Variants in AMPD3 observed in about 807,000 individuals in gnomAD.
AMPD3 encodes adenosine monophosphate deaminase 3, also known as AMP deaminase 3.
In AMPD3, 57 loss-of-function variants were observed where a neutral mutation model predicts 82.3. The ratio of observed to expected loss-of-function variants is 0.69; its 90% CI spans 0.56 to 0.86. The LOEUF is 0.86. Among genes scored for constraint, AMPD3 ranks in the 40% least tolerant of loss-of-function variants. The probability of loss-of-function intolerance (pLI) is 0.00; values close to 1 mark genes in which losing one functional copy is unlikely to be tolerated. For missense variants in AMPD3, 870 were observed against 1,003.8 expected, an observed-to-expected ratio of 0.87 and a Z score of 1.80; for synonymous variants, 381 against 394.7, an observed-to-expected ratio of 0.97 and a Z score of 0.41.
chr11:10,481,133 A>G (rs1848891147), intron 3 of AMPD3, among the ~76,000 whole-genome samples: 3 of 152,178 alleles, frequency 2.0e-5, no homozygotes, highest in South Asian at 4.1e-4. Flanking sequence ...CATTTGCAAA[A>G]TGGGTTGCTG....
intron 2 of AMPD3, among the ~76,000 whole-genome samples, chr11:10,470,105 G>T (rs911415487): frequency 6.6e-6 from 1 of 150,810 alleles, no homozygotes; most frequent in Non-Finnish European, 1.5e-5. Flanking sequence ...ACATCAAAAA[G>T]CTTATCCACC....
At chr11:10,497,696 G>A in intron 10 of AMPD3, 1 of 985,002 alleles carries the variant, frequency 1.0e-6, no homozygotes, top group Non-Finnish European at 1.2e-6. Context: ...GCTGTTGTGT[G>A]GAGTTGGCCC....
At chr11:10,477,787 G>T (rs10770118) in intron 2 of AMPD3, 610,484 of 758,996 alleles carry the variant, frequency 0.8, 246,332 homozygotes, top group East Asian at 0.93. Flanking sequence ...CTGTGCCATG[G>T]GCCGTGTGAC....
chr11:10,486,097 G>C (rs1313276877), intron 5 of AMPD3, among the ~76,000 whole-genome samples: 1 of 152,176 alleles, frequency 6.6e-6, no homozygotes, highest in African/African-American at 2.4e-5. Context: ...GAAGGGCAGG[G>C]GCGGTTCCTC....
rs528295035 is a variant in AMPD3 at position 10,505,818 on chromosome 11, A to G, written c.2238A>G (p.Leu746=). ...GGATGGCATTCCGATATGAGACCTT[A>G]TGCAATGAGCTCAGCTTCCTGTCTG... ...QIRMAFRYET[L]CNELSFLSDA... The change falls in exon 15 of 15, where the codon TTA becomes TTG. Residue 746 remains leucine (L), a synonymous_variant. Coordinates refer to ENST00000396553, the MANE Select transcript of AMPD3 (RefSeq NM_001025389.2). 18 of 1,614,100 alleles carry G rather than the reference A, an allele frequency of 1.1e-5. No individual in the cohort carries two copies. The highest frequency in any genetic ancestry group is 1.4e-5 in the Non-Finnish European group (17 of 1,180,056).
chr11:10,463,686 C>T (rs530218658), intron 2 of AMPD3, among the ~76,000 whole-genome samples: 5 of 152,368 alleles, frequency 3.3e-5, no homozygotes, highest in African/African-American at 9.6e-5. Context: ...CTGTGCTCTT[C>T]TCAATGCCCA....
In AMPD3 at chr11:10,463,396, A is replaced by G. The variant is rs192116317; in HGVS notation, c.221+1656A>G. ...TCTGAGTGCCAGCCTTGTGTTGGAT[A>G]AGGTGGGGTGGCCCCAGCCCCAGCA... On this transcript the variant is annotated intron_variant, in intron 2 of 14. Coordinates refer to ENST00000396553, the MANE Select transcript of AMPD3 (RefSeq NM_001025389.2). 9.6e-4 allele frequency among the ~76,000 whole-genome samples: 146 copies of G among 152,284 alleles called. 1 individual carries two copies. Among genetic ancestry groups the G allele is most frequent in the African/African-American group, 3.4e-3 (140 of 41,556 alleles).
chr11:10,474,210 C>G (rs967243691), intron 2 of AMPD3, among the ~76,000 whole-genome samples: 1 of 152,200 alleles, frequency 6.6e-6, no homozygotes, highest in Non-Finnish European at 1.5e-5. Context: ...ATCTACTCCT[C>G]TACACCCAGG....
chr11:10,488,675 A>G (rs1849152735), intron 6 of AMPD3, among the ~76,000 whole-genome samples: 1 of 152,042 alleles, frequency 6.6e-6, no homozygotes, highest in African/African-American at 2.4e-5. Flanking sequence ...CTGGGAGAGA[A>G]GCTCCTGGGG....
upstream of AMPD3, among the ~76,000 whole-genome samples, chr11:10,451,299 A>G (rs1057190878): frequency 1.3e-5 from 2 of 152,232 alleles, no homozygotes; most frequent in Admixed American, 6.5e-5. Flanking sequence ...CTGGCGGCCT[A>G]GAATGGAATC....
At chr11:10,481,801 C>G (rs1271315474) in intron 3 of AMPD3, 5 of 506,002 alleles carry the variant, frequency 9.9e-6, no homozygotes, top group Non-Finnish European at 1.8e-5. Flanking sequence ...AGGGTTTTCA[C>G]TGGGGCTGGT....
intron 9 of AMPD3, chr11:10,496,486 G>C (rs774305602): frequency 1.0e-5 from 10 of 985,442 alleles, no homozygotes; most frequent in Non-Finnish European, 1.2e-5. Context: ...CTGAGTAACA[G>C]AATGTTTGGG....
chr11:10,451,043 G>T, upstream of AMPD3: 9 of 1,580,036 alleles, frequency 5.7e-6, no homozygotes, highest in Non-Finnish European at 7.7e-6. Flanking sequence ...GTCCGAACCC[G>T]GTGAGTGCGC....
At position 10,501,295 on chromosome 11, in the gene AMPD3, C is replaced by T. The variant is rs370659725; in HGVS notation, c.1722-175C>T. The T allele has an allele frequency of 7.5e-5, 74 of 985,222 alleles. No homozygotes were observed. The East Asian group carries it at 1.8e-3, about 24-fold the overall frequency. 61.0% of individuals were successfully genotyped at this position (985,222 alleles called of 1,614,324 possible). A position where few individuals can be genotyped will look rare whatever the true frequency, so the allele number is the denominator to read the frequency against. ...GGTGATGCTTCTTGGTTCTAAGGGG[C>T]CCCAGGGCCTGGACCTCTGCATTTT... On this transcript the variant is annotated intron_variant, in intron 11 of 14. Transcript: ENST00000396553.
At chr11:10,495,789 C>G (rs940067950) in intron 9 of AMPD3, 56 bp downstream of exon 9, 1 of 1,606,530 alleles carries the variant, frequency 6.2e-7, no homozygotes. Context: ...CAATCTGTCC[C>G]TCATGGGCTG....
At chr11:10,482,321 T>C (rs1591465080) in intron 4 of AMPD3, 96 bp downstream of exon 4, 2 of 1,407,696 alleles carry the variant, frequency 1.4e-6, no homozygotes, top group African/African-American at 2.9e-5. Context: ...CCTGATAGTA[T>C]TTTAAAATGA....
chr11:10,486,316 A>G (rs1849068258), intron 5 of AMPD3, among the ~76,000 whole-genome samples: 1 of 152,092 alleles, frequency 6.6e-6, no homozygotes, highest in African/African-American at 2.4e-5. Flanking sequence ...ATGGAAGTCT[A>G]CGTGATTAGA....
At chr11:10,454,664 C>T (rs1205276778), upstream of AMPD3, among the ~76,000 whole-genome samples, 8 of 152,112 alleles carry the variant, frequency 5.3e-5, no homozygotes, top group Admixed American at 3.3e-4. Flanking sequence ...AGCTGGGATC[C>T]GGTTAAAGGT....
At chr11:10,470,963 T>C (rs1417475249) in intron 2 of AMPD3, among the ~76,000 whole-genome samples, 1 of 152,192 alleles carries the variant, frequency 6.6e-6, no homozygotes, top group Admixed American at 6.5e-5. Flanking sequence ...AAAAAACTAC[T>C]TTAAATTTCA....
Sources: gnomAD v4.1 joint callset for allele counts (sites outside exome capture counted in the v4.1 genomes callset) on GRCh38, gnomAD v4.1.1 for gene constraint, MANE v1.5 for transcripts, NCBI Gene and HGNC (gene_info 2026-07-23, HGNC 2026-07-21) for gene names.